RIT2: variants seen among roughly 807,000 people sequenced by gnomAD.
RIT2 encodes the protein GTP-binding protein Rit2.
In RIT2, 24 loss-of-function variants were observed where a neutral mutation model predicts 23.7. That is an observed-to-expected ratio of 1.01 (90% CI 0.73 to 1.43). The LOEUF is 1.43. Among genes scored for constraint, RIT2 ranks in the 40% most tolerant of loss-of-function variants. The pLI is 0.00. For missense variants in RIT2, 236 were observed against 266.9 expected (o/e 0.88, Z 0.81); for synonymous variants, 107 against 91.1 (o/e 1.17, Z -0.99).
chr18:43,021,400 G>A (rs1268946150), intron 2 of RIT2, among the ~76,000 whole-genome samples: 1 of 152,076 alleles, frequency 6.6e-6, no homozygotes, highest in Non-Finnish European at 1.5e-5. Context: ...CGGCAAGGAT[G>A]TAGAGAAAAT....
At chr18:42,878,282 G>A (rs992443003) in intron 4 of RIT2, among the ~76,000 whole-genome samples, 1 of 151,316 alleles carries the variant, frequency 6.6e-6, no homozygotes, top group East Asian at 1.9e-4. Context: ...CATGTATTTT[G>A]TATGTTATAT....
At position 42,864,056 on chromosome 18, in the gene RIT2, G is replaced by A. The variant is rs148319697; in HGVS notation, c.426+59516C>T. Among the ~76,000 whole-genome samples the A allele has an allele frequency of 2.0e-3, 295 of 147,850 alleles. No homozygotes were observed. The Middle Eastern group carries it at 0.034, about 17-fold the overall frequency. ...GTATAAGAAAATGAAAAAAAAAAAC[G>A]ATATGAAATTGATACTGTTAAACAG... On this transcript the variant is annotated intron_variant, in intron 4 of 4. Coordinates refer to ENST00000326695, the MANE Select transcript of RIT2 (RefSeq NM_002930.4).
At chr18:43,002,661 C>T (rs1356510353) in intron 2 of RIT2, among the ~76,000 whole-genome samples, 1 of 151,878 alleles carries the variant, frequency 6.6e-6, no homozygotes, top group Non-Finnish European at 1.5e-5. Context: ...AGGAAGAAAT[C>T]TGATACATTT....
chr18:42,961,990 A>G (rs1431765408), intron 3 of RIT2, among the ~76,000 whole-genome samples: 1 of 152,126 alleles, frequency 6.6e-6, no homozygotes, highest in East Asian at 1.9e-4. Context: ...TGTCTCACCT[A>G]TGTTTTGCCT....
At chr18:43,052,859 C>T (rs531305813) in intron 1 of RIT2, among the ~76,000 whole-genome samples, 8 of 152,092 alleles carry the variant, frequency 5.3e-5, no homozygotes, top group African/African-American at 1.4e-4. Context: ...GAGAAAGTGG[C>T]CAGGAGTGAG....
intron 4 of RIT2, among the ~76,000 whole-genome samples, chr18:42,860,400 C>T: frequency 6.6e-6 from 1 of 152,180 alleles, no homozygotes; most frequent in East Asian, 1.9e-4. Context: ...AATAAGTACT[C>T]ATAGAATTGT....
At chr18:42,942,914 C>T (rs1216226968) in intron 3 of RIT2, among the ~76,000 whole-genome samples, 1 of 152,172 alleles carries the variant, frequency 6.6e-6, no homozygotes, top group Non-Finnish European at 1.5e-5. Context: ...GATGTTTGAA[C>T]TGCATGGTGC....
At chr18:42,785,754 G>T (rs1335735967) in intron 4 of RIT2, among the ~76,000 whole-genome samples, 1 of 152,120 alleles carries the variant, frequency 6.6e-6, no homozygotes, top group Non-Finnish European at 1.5e-5. Flanking sequence ...TGAACTAAAT[G>T]AGATGGCAGG....
intron 4 of RIT2, among the ~76,000 whole-genome samples, chr18:42,758,142 G>C (rs910097193): frequency 6.6e-6 from 1 of 151,326 alleles, no homozygotes; most frequent in African/African-American, 2.4e-5. Flanking sequence ...GTTCATTTAC[G>C]CTCTTATATC....
At chr18:42,875,752 A>G (rs1340096999) in intron 4 of RIT2, among the ~76,000 whole-genome samples, 1 of 151,874 alleles carries the variant, frequency 6.6e-6, no homozygotes, top group Admixed American at 6.6e-5. Context: ...ACCCATCTCC[A>G]CCCAAATCTT....
chr18:42,749,129 C>T (rs1350486285), intron 4 of RIT2, among the ~76,000 whole-genome samples: 1 of 151,668 alleles, frequency 6.6e-6, no homozygotes, highest in African/African-American at 2.4e-5. Context: ...ATAAAAATTA[C>T]AACATAGTCC....
intron 4 of RIT2, among the ~76,000 whole-genome samples, chr18:42,768,273 T>C (rs1160793945): frequency 6.6e-6 from 1 of 152,104 alleles, no homozygotes; most frequent in African/African-American, 2.4e-5. Flanking sequence ...AACAAAATCA[T>C]CTAAATCAGG....
intron 4 of RIT2, among the ~76,000 whole-genome samples, chr18:42,770,020 GT>G (rs938188993): frequency 1.3e-4 from 19 of 148,696 alleles, no homozygotes; most frequent in East Asian, 7.8e-4. Flanking sequence ...GAGATTCCTA[GT>G]TTTTTTTTTG....
chr18:43,021,904 C>CA (rs1425774891), intron 2 of RIT2, among the ~76,000 whole-genome samples: 1 of 151,822 alleles, frequency 6.6e-6, no homozygotes, highest in Non-Finnish European at 1.5e-5. Context: ...TAGGGGTTTC[C>CA]AAAAAAACTA....
chr18:42,875,428 T>C (rs921029569), intron 4 of RIT2, among the ~76,000 whole-genome samples: 2 of 151,890 alleles, frequency 1.3e-5, no homozygotes, highest in Non-Finnish European at 2.9e-5. Flanking sequence ...ACTTTACATA[T>C]TGTAATGTAC....
At chr18:42,889,771 T>G (rs1054371310) in intron 4 of RIT2, among the ~76,000 whole-genome samples, 4 of 152,218 alleles carry the variant, frequency 2.6e-5, no homozygotes, top group African/African-American at 9.6e-5. Flanking sequence ...CTCTATCTCA[T>G]GTAACATAAG....
At chr18:42,948,616 G>A (rs1159793553) in intron 3 of RIT2, among the ~76,000 whole-genome samples, 4 of 152,046 alleles carry the variant, frequency 2.6e-5, no homozygotes, top group African/African-American at 9.7e-5. Context: ...GTTTGCCCAA[G>A]GAGTCCTAGA....
At chr18:43,087,890 G>A (rs1036891847) in intron 1 of RIT2, among the ~76,000 whole-genome samples, 3 of 152,116 alleles carry the variant, frequency 2.0e-5, no homozygotes, top group Non-Finnish European at 2.9e-5. Context: ...AGCGATACAT[G>A]TAGAAGCCAA....
chr18:42,768,785 G>T (rs1254259009), intron 4 of RIT2, among the ~76,000 whole-genome samples: 1 of 151,950 alleles, frequency 6.6e-6, no homozygotes, highest in East Asian at 1.9e-4. Context: ...ATTTGAAGTA[G>T]GTTGGGCTGG....
Sources: allele counts gnomAD v4.1 joint callset (sites outside exome capture counted in the v4.1 genomes callset), GRCh38; gene constraint gnomAD v4.1.1; transcripts MANE v1.5; gene names NCBI Gene and HGNC (gene_info 2026-07-23, HGNC 2026-07-21).